Variants in SUPT3H observed in about 807,000 individuals in gnomAD.
SUPT3H encodes the protein SPT3 homolog, SAGA and STAGA complex component.
SUPT3H carries 44 observed loss-of-function variants against 44.3 expected under a neutral mutation model. The observed-to-expected ratio is 0.99, with a 90% CI of 0.78 to 1.28. SUPT3H has a LOEUF of 1.28. Ranked by LOEUF, SUPT3H falls within the 50% of genes most tolerant of loss-of-function variation. The pLI, the probability that SUPT3H is intolerant of heterozygous loss-of-function variation, is 0.00. For missense variants in SUPT3H, 380 were observed against 387.1 expected (o/e 0.98, Z 0.15); for synonymous variants, 124 against 125.6 (o/e 0.99, Z 0.09).
intron 10 of SUPT3H, among the ~76,000 whole-genome samples, chr6:44,900,476 G>C (rs991298109): frequency 2.0e-5 from 3 of 152,242 alleles, no homozygotes; most frequent in South Asian, 2.1e-4. Context: ...GGCTGGGGGA[G>C]GGGCGCCTGC....
At chr6:45,332,221 T>C (rs1787657706) in intron 2 of SUPT3H, among the ~76,000 whole-genome samples, 2 of 151,812 alleles carry the variant, frequency 1.3e-5, no homozygotes, top group African/African-American at 2.4e-5. Flanking sequence ...TCAACAAATA[T>C]TCATCTAGAG....
At chr6:44,904,369 C>T (rs925629042) in intron 10 of SUPT3H, among the ~76,000 whole-genome samples, 1 of 152,108 alleles carries the variant, frequency 6.6e-6, no homozygotes, top group African/African-American at 2.4e-5. Context: ...TTCTTATACA[C>T]CAATAACAGA....
In SUPT3H at chr6:45,105,936, G is replaced by A; in HGVS notation, c.172C>T (p.Gln58Ter). The change falls in exon 3 of 11, where the codon CAG (glutamine) becomes TAG (stop). Residue 58 changes from glutamine (Q) to a stop codon, truncating the protein, a stop_gained. Coordinates refer to ENST00000371459, the MANE Select transcript of SUPT3H (RefSeq NM_003599.4). LOFTEE classifies it high-confidence loss of function. ...TATGCTCTTACCAGATTAATTAACT[G>A]AGTGTGTACCACATCTTCTACCAAA... ...AVLVEDVVHT[Q>*]LINLLQQAAE... is the part of the protein sequence containing the mutation. The A allele has an allele frequency of 6.2e-7, 1 of 1,613,138 alleles. No homozygotes were observed. The highest frequency in any genetic ancestry group is 8.5e-7 in the Non-Finnish European group (1 of 1,179,394).
intron 2 of SUPT3H, among the ~76,000 whole-genome samples, chr6:45,251,382 A>G (rs1772346943): frequency 7.1e-6 from 1 of 141,264 alleles, no homozygotes; most frequent in South Asian, 2.3e-4. Flanking sequence ...CTAAATGACT[A>G]AGAAGAGAAG....
chr6:45,044,549 C>T (rs535202479), intron 3 of SUPT3H, among the ~76,000 whole-genome samples: 7 of 152,244 alleles, frequency 4.6e-5, no homozygotes, highest in Admixed American at 3.3e-4. Context: ...TTAGAAGAGA[C>T]AGTCAATATA....
chr6:45,011,435 T>C (rs952347834), intron 5 of SUPT3H, among the ~76,000 whole-genome samples: 3 of 152,248 alleles, frequency 2.0e-5, no homozygotes, highest in East Asian at 1.9e-4. Context: ...TGTATATTTA[T>C]ATAGTTTGTT....
intron 2 of SUPT3H, among the ~76,000 whole-genome samples, chr6:45,286,233 A>C (rs999516394): frequency 6.6e-6 from 1 of 152,106 alleles, no homozygotes; most frequent in Non-Finnish European, 1.5e-5. Context: ...AACAGAAGCC[A>C]AAATTGAGAA....
chr6:45,143,107 T>C (rs9381366), intron 2 of SUPT3H, among the ~76,000 whole-genome samples: 61,865 of 151,942 alleles, frequency 0.41, 13,015 homozygotes, highest in East Asian at 0.71. Flanking sequence ...AACACAATAA[T>C]AGTGGGGGAC....
intron 7 of SUPT3H, among the ~76,000 whole-genome samples, chr6:44,954,876 T>G (rs1217844105): frequency 6.6e-6 from 1 of 152,214 alleles, no homozygotes; most frequent in African/African-American, 2.4e-5. Context: ...CATAGTATAT[T>G]AAAGCATTTA....
chr6:45,078,498 T>C (rs1034811012), intron 3 of SUPT3H, among the ~76,000 whole-genome samples: 1 of 152,200 alleles, frequency 6.6e-6, no homozygotes, highest in Admixed American at 6.5e-5. Flanking sequence ...TTAGCTCTAT[T>C]GGTGAGTTTT....
At chr6:44,942,209 A>G (rs1044723961) in intron 9 of SUPT3H, among the ~76,000 whole-genome samples, 7 of 152,184 alleles carry the variant, frequency 4.6e-5, no homozygotes, top group African/African-American at 1.7e-4. Flanking sequence ...GAGGTCTTTT[A>G]GGTAAGATTT....
At position 44,829,806 on chromosome 6, in the gene SUPT3H, A is replaced by C. The variant is rs750935315; in HGVS notation, c.*10T>G. On this transcript the variant is annotated 3_prime_UTR_variant, in exon 11 of 11. Coordinates refer to ENST00000371459, the MANE Select transcript of SUPT3H (RefSeq NM_003599.4). ...TTTCCTGTTGTTGCAGGCACATCAC[A>C]GTTGTCACATCAGCAGGCTAGAAAA... 1 of 1,612,926 alleles carries C rather than the reference A, an allele frequency of 6.2e-7. No individual in the cohort carries two copies. The highest frequency in any genetic ancestry group is 2.2e-5 in the East Asian group (1 of 44,868).
At chr6:45,255,670 G>A (rs1562803925) in intron 2 of SUPT3H, among the ~76,000 whole-genome samples, 5 of 151,784 alleles carry the variant, frequency 3.3e-5, no homozygotes, top group South Asian at 2.1e-4. Flanking sequence ...TGATCCTCCC[G>A]CATCACCCTC....
intron 7 of SUPT3H, among the ~76,000 whole-genome samples, chr6:44,958,807 C>T (rs1775587320): frequency 6.8e-6 from 1 of 147,950 alleles, no homozygotes; most frequent in African/African-American, 2.5e-5. Flanking sequence ...TGTTTTTAAG[C>T]TTGTACAGAG....
At chr6:45,316,219 G>GCA (rs1784679367) in intron 2 of SUPT3H, among the ~76,000 whole-genome samples, 1 of 152,056 alleles carries the variant, frequency 6.6e-6, no homozygotes, top group Admixed American at 6.6e-5. Flanking sequence ...CAAATATGGT[G>GCA]CAGTGTATAC....
At chr6:45,022,853 A>G (rs1172261181) in intron 3 of SUPT3H, among the ~76,000 whole-genome samples, 1 of 152,108 alleles carries the variant, frequency 6.6e-6, no homozygotes, top group Admixed American at 6.6e-5. Flanking sequence ...GAACCTGTGT[A>G]TCCAAAAAGT....
Position 45,014,813 on chromosome 6 carries a change from C to G in SUPT3H, c.352G>C (p.Asp118His), listed in dbSNP as rs1415176409. Residue 118 changes from aspartate to histidine, a missense_variant, in exon 5 of 11, where the codon GAT (aspartate) becomes CAT (histidine). Physicochemically the swap from Asp to His is moderately conservative, Grantham distance 81 (BLOSUM62 -1). Coordinates refer to ENST00000371459, the MANE Select transcript of SUPT3H (RefSeq NM_003599.4). ...TTGTTTTGGTTACCTTCGAGAAGAT[C>G]ATCCTCATCGATGCCTTTGACAATC... ...SKIVKGIDED[D>H]LLEDKLSGSN... is the part of the protein sequence containing the mutation. 6.3e-7 allele frequency: 1 copy of G among 1,589,868 alleles called. No homozygotes were observed. Among genetic ancestry groups the G allele is most frequent in the Non-Finnish European group, 8.6e-7 (1 of 1,169,492 alleles).
chr6:44,847,776 C>T (rs1474197578), intron 10 of SUPT3H, among the ~76,000 whole-genome samples: 2 of 151,990 alleles, frequency 1.3e-5, no homozygotes, highest in African/African-American at 4.8e-5. Context: ...GCGTGAGCCA[C>T]CACACCCAGC....
chr6:45,202,777 A>C (rs1177149898), intron 2 of SUPT3H, among the ~76,000 whole-genome samples: 1 of 152,138 alleles, frequency 6.6e-6, no homozygotes, highest in Non-Finnish European at 1.5e-5. Context: ...AATTCTATTT[A>C]ATGAACTAAA....
Sources: gnomAD v4.1 joint callset for allele counts (sites outside exome capture counted in the v4.1 genomes callset) on GRCh38, gnomAD v4.1.1 for gene constraint, MANE v1.5 for transcripts, NCBI Gene and HGNC (gene_info 2026-07-23, HGNC 2026-07-21) for gene names.